Variants in SERPINF1 observed in about 807,000 individuals in gnomAD.
SERPINF1 encodes the protein pigment epithelium-derived factor.
In SERPINF1, 29 loss-of-function variants were observed where a neutral mutation model predicts 37.3. That is an observed-to-expected ratio of 0.78 (90% confidence interval 0.58 to 1.06). The LOEUF is 1.06. Ranked by LOEUF, SERPINF1 falls within the 50% of genes least tolerant of loss-of-function variation. SERPINF1 has a pLI of 0.00. For synonymous variants in SERPINF1, 281 were observed against 227.9 expected (o/e 1.23, Z -2.10); for missense variants, 553 against 532.2 (o/e 1.04, Z -0.38).
At chr17:1,773,704 G>A (rs1349616902) in intron 5 of SERPINF1, among the ~76,000 whole-genome samples, 1 of 152,144 alleles carries the variant, frequency 6.6e-6, no homozygotes. Flanking sequence ...TTTTCTAACA[G>A]CTCTAGTTCT....
chr17:1,772,382 C>G (rs1907802456), intron 5 of SERPINF1, among the ~76,000 whole-genome samples: 1 of 152,002 alleles, frequency 6.6e-6, no homozygotes, highest in South Asian at 2.1e-4. Flanking sequence ...TCCCAAAGTG[C>G]TAGGATTACA....
chr17:1,770,991 T>C (rs773138724), intron 3 of SERPINF1, 38 bp from the exon 4 acceptor site: 2 of 1,613,556 alleles, frequency 1.2e-6, no homozygotes, highest in Admixed American at 1.7e-5. Context: ...GGGGCCCTGG[T>C]GTGCAGTTAT....
intron 3 of SERPINF1, 103 bp downstream of exon 3, chr17:1,770,153 G>GTTT: frequency 7.7e-7 from 1 of 1,305,958 alleles, no homozygotes; most frequent in Non-Finnish European, 1.1e-6. Context: ...TCAGCGAGGG[G>GTTT]TGAAGTAGCA....
At position 1,770,052 on chromosome 17, in the gene SERPINF1, T is replaced by G. The variant is rs1207097468; in HGVS notation, c.283+2T>G. The G allele has an allele frequency of 6.2e-7, 1 of 1,613,982 alleles. No individual in the cohort carries two copies. Among genetic ancestry groups the G allele is most frequent in the Admixed American group, 1.7e-5 (1 of 60,008 alleles). On this transcript the variant is annotated splice_donor_variant, in intron 3 of 7. Transcript: ENST00000254722. LOFTEE classifies it high-confidence loss of function. ...CGGCCCTCTCGGCCCTCTCGCTGGG[T>G]GAGTGCTCAGATGCAGGAAGCCCCA...
rs113005842 is a variant in SERPINF1, at chr17:1,771,856, C to T, written c.440-16C>T. 8.7e-6 allele frequency: 14 copies of T among 1,608,590 alleles called. No individual in the cohort carries two copies. Among genetic ancestry groups the T allele is most frequent in the African/African-American group, 6.7e-5 (5 of 74,896 alleles). ...GTCGAGTCTCATACGCTAACCTCTG[C>T]TCCGCCTCTTCTCAGAGCTGCGCAT... On this transcript the variant is annotated splice_polypyrimidine_tract_variant and intron_variant, in intron 4 of 7. Coordinates refer to ENST00000254722, the MANE Select transcript of SERPINF1 (RefSeq NM_002615.7).
rs1567758799 is a variant in SERPINF1 at position 1,777,287 on chromosome 17, G to A, written c.1098G>A (p.Glu366=). ...VEHRAGFEWN[E]DGAGTTPSPG... ...ACCGGGCTGGCTTTGAGTGGAACGAGGATGGGGCGGGAACCACCCCCAGCC... is the reference window on the plus strand; with the variant it reads ...ACCGGGCTGGCTTTGAGTGGAACGAAGATGGGGCGGGAACCACCCCCAGCC... The change falls in exon 8 of 8, where the codon GAG becomes GAA. Residue 366 remains glutamate (E), a synonymous_variant. Coordinates refer to ENST00000254722, the MANE Select transcript of SERPINF1 (RefSeq NM_002615.7). 2 of 1,614,134 alleles carry A rather than the reference G, an allele frequency of 1.2e-6. No individual in the cohort carries two copies. Among genetic ancestry groups the A allele is most frequent in the Admixed American group, 1.7e-5 (1 of 60,004 alleles).
chr17:1,770,953 G>C, intron 3 of SERPINF1, 76 bp from the exon 4 acceptor site: 1 of 1,576,620 alleles, frequency 6.3e-7, no homozygotes, highest in Non-Finnish European at 8.7e-7. Context: ...TGAGTATAGT[G>C]TCTGTGTTCT....
chr17:1,775,634 G>A (rs1229787498), intron 6 of SERPINF1, among the ~76,000 whole-genome samples: 3 of 149,002 alleles, frequency 2.0e-5, no homozygotes, highest in Non-Finnish European at 2.9e-5. Context: ...CCTCCGCCCC[G>A]CTGGGTTAAA....
chr17:1,777,056 A>G, intron 7 of SERPINF1, 131 bp from the exon 8 acceptor site: 2 of 1,420,000 alleles, frequency 1.4e-6, no homozygotes, highest in Non-Finnish European at 2.0e-6. Context: ...ACCCTCGGTC[A>G]GCTCAGACCT....
chr17:1,769,635 A>C (rs1907592990), intron 2 of SERPINF1: 4 of 602,174 alleles, frequency 6.6e-6, no homozygotes, highest in Admixed American at 2.9e-5. Context: ...AATAAAAAAA[A>C]AACAGCTGAT....
chr17:1,766,802 C>A, intron 1 of SERPINF1, 101 bp from the exon 2 acceptor site: 1 of 1,177,690 alleles, frequency 8.5e-7, no homozygotes, highest in Non-Finnish European at 1.2e-6. Flanking sequence ...AGTGACTAGC[C>A]CTGCCCAACC....
intron 1 of SERPINF1, among the ~76,000 whole-genome samples, chr17:1,765,306 CTATTTTATTT>C (rs112497524): frequency 1.1e-4 from 17 of 151,698 alleles, no homozygotes; most frequent in Admixed American, 7.2e-4. Context: ...CCATGCCTGG[CTATTTTATTT>C]TATTTTATTT....
In SERPINF1 at chr17:1,775,110, C is replaced by G. The variant is rs193302872; in HGVS notation, c.696C>G (p.Tyr232Ter). 1 of 1,614,006 alleles carries G rather than the reference C, an allele frequency of 6.2e-7. No individual in the cohort carries two copies. The highest frequency in any genetic ancestry group is 1.3e-5 in the African/African-American group (1 of 75,000). The change falls in exon 6 of 8, where the codon TAC becomes TAG. Residue 232 changes from tyrosine (Y) to a stop codon, truncating the protein, a stop_gained. Transcript: ENST00000254722. LOFTEE classifies it high-confidence loss of function. The stretch of plus-strand genomic sequence containing the variant: ...GAAAGACTTCCCTCGAGGATTTCTA[C>G]TTGGATGAAGAGAGGACCGTGAGGG... ...DSRKTSLEDF[Y>*]LDEERTVRVP...
At chr17:1,769,761 C>A in intron 2 of SERPINF1, 91 bp from the exon 3 acceptor site, 1 of 1,438,022 alleles carries the variant, frequency 7.0e-7, no homozygotes, top group Non-Finnish European at 9.8e-7. Context: ...GGGGCCAGAA[C>A]CACCACCCTA....
chr17:1,769,527 G>T, intron 2 of SERPINF1: 1 of 434,780 alleles, frequency 2.3e-6, no homozygotes. Flanking sequence ...GGGAGGCTAA[G>T]GCAGGAAAAT....
chr17:1,775,374 G>A (rs1334923173), intron 6 of SERPINF1, among the ~76,000 whole-genome samples, 174 bp downstream of exon 6: 2 of 152,106 alleles, frequency 1.3e-5, no homozygotes, highest in African/African-American at 4.8e-5. Context: ...TTAAGATGGG[G>A]CAGGGGATCG....
chr17:1,774,443 C>T (rs969282015), intron 5 of SERPINF1, among the ~76,000 whole-genome samples: 17 of 152,212 alleles, frequency 1.1e-4, no homozygotes, highest in African/African-American at 4.1e-4. Context: ...GATGATCCAT[C>T]CGCCTTGGCC....
In SERPINF1 at chr17:1,777,218, T is replaced by C. The variant is rs1313876748; in HGVS notation, c.1029T>C (p.Phe343=). Residue 343 remains phenylalanine (F), a synonymous_variant, in exon 8 of 8, where the codon TTT becomes TTC. Transcript: ENST00000254722. ...AATCCTTGTTTGATTCACCAGACTTTAGCAAGATCACAGGCAAACCCATCA... is the reference window on the plus strand; with the variant it reads ...AATCCTTGTTTGATTCACCAGACTTCAGCAAGATCACAGGCAAACCCATCA... The part of the protein sequence containing the change: ...KLQSLFDSPD[F]SKITGKPIKL... The C allele has an allele frequency of 3.1e-6, 5 of 1,613,956 alleles. No homozygotes were observed. Among genetic ancestry groups the C allele is most frequent in the African/African-American group, 1.3e-5 (1 of 74,886 alleles).
Position 1,772,170 on chromosome 17 carries a change from G to A in SERPINF1, c.643+95G>A, listed in dbSNP as rs1009697700. The A allele has an allele frequency of 6.1e-6, 8 of 1,317,840 alleles. No individual in the cohort carries two copies. In the Middle Eastern group the frequency reaches 1.2e-3, roughly 190 times the overall value. 81.6% of individuals were successfully genotyped at this position (1,317,840 alleles called of 1,614,324 possible). A position where few individuals can be genotyped will look rare whatever the true frequency, so the allele number is the denominator to read the frequency against. On this transcript the variant is annotated intron_variant, in intron 5 of 7. Coordinates refer to ENST00000254722, the MANE Select transcript of SERPINF1 (RefSeq NM_002615.7). Reference sequence around the variant, plus strand: ...CTTACTCTGTAGTCCTAACTGGAGTGCAGTGGTGCGATCTCAGCTCAATGC... The same window carrying A: ...CTTACTCTGTAGTCCTAACTGGAGTACAGTGGTGCGATCTCAGCTCAATGC...
Sources: gnomAD v4.1 joint callset for allele counts (sites outside exome capture counted in the v4.1 genomes callset) on GRCh38, gnomAD v4.1.1 for gene constraint, MANE v1.5 for transcripts, NCBI Gene and HGNC (gene_info 2026-07-23, HGNC 2026-07-21) for gene names.